JPH3: variants seen among roughly 807,000 people sequenced by gnomAD.
JPH3 encodes junctophilin 3, also known as junctophilin-3.
JPH3 carries 11 observed loss-of-function variants against 59.6 expected under a neutral mutation model. The observed-to-expected ratio is 0.18, with a 90% CI of 0.12 to 0.31. The LOEUF is 0.31. JPH3 is among the 10% of genes least tolerant of loss of function. The pLI is 1.00. For missense variants in JPH3, 1,202 were observed against 1,105.7 expected (o/e 1.09, Z -1.24); for synonymous variants, 673 against 483.6 (o/e 1.39, Z -5.14).
chr16:87,679,587 C>T (rs1377291274), intron 2 of JPH3, among the ~76,000 whole-genome samples: 2 of 151,526 alleles, frequency 1.3e-5, no homozygotes, highest in East Asian at 3.8e-4. Context: ...CCTGCCAATC[C>T]TTGCCTTGTC....
chr16:87,691,098 A>C (rs1040489286), intron 4 of JPH3, among the ~76,000 whole-genome samples: 2 of 136,710 alleles, frequency 1.5e-5, no homozygotes, highest in Middle Eastern at 3.4e-3. Flanking sequence ...CCCCCCCCCA[A>C]ATTCGTTCCT....
chr16:87,676,881 C>A (rs2033153692), intron 2 of JPH3, among the ~76,000 whole-genome samples: 1 of 151,624 alleles, frequency 6.6e-6, no homozygotes, highest in South Asian at 2.1e-4. Flanking sequence ...ACTAAAAATA[C>A]AAAAATTAGG....
chr16:87,689,694 A>T lies in JPH3; in HGVS notation c.1334A>T (p.Glu445Val). ...CGTCAGACCTCCTGTGACGACATCG[A>T]GGTGCTGTCCACCGGGACACCCCTG... is the stretch of plus-strand genomic sequence containing the variant. ...PKRQTSCDDI[E>V]VLSTGTPLQQ... is the part of the protein sequence containing the mutation. Residue 445 changes from glutamate (E) to valine (V), a missense_variant, in exon 4 of 5, where the codon GAG becomes GTG. By Grantham distance (121) the Glu-to-Val change is moderately radical (BLOSUM62 -2). Transcript: ENST00000284262. 6.2e-7 allele frequency: 1 copy of T among 1,612,414 alleles called. No individual in the cohort carries two copies. Among genetic ancestry groups the T allele is most frequent in the Non-Finnish European group, 8.5e-7 (1 of 1,179,756 alleles).
At chr16:87,667,681 T>G (rs1056940650) in intron 2 of JPH3, among the ~76,000 whole-genome samples, 42 of 152,316 alleles carry the variant, frequency 2.8e-4, no homozygotes, top group African/African-American at 9.9e-4. Context: ...ATGAAGGGGT[T>G]AGATCCTGGC....
intron 1 of JPH3, among the ~76,000 whole-genome samples, chr16:87,641,436 A>G (rs925805757): frequency 4.6e-5 from 7 of 152,206 alleles, no homozygotes; most frequent in Admixed American, 2.0e-4. Context: ...TTGGGGGTAC[A>G]GAATGACCGA....
chr16:87,656,930 G>A (rs1043125535), intron 2 of JPH3, among the ~76,000 whole-genome samples: 1 of 152,120 alleles, frequency 6.6e-6, no homozygotes, highest in Non-Finnish European at 1.5e-5. Flanking sequence ...GGCTTTCCTT[G>A]GTGCATGGAG....
chr16:87,695,718 C>G (rs1047766578), intron 4 of JPH3: 2 of 419,902 alleles, frequency 4.8e-6, no homozygotes, highest in Admixed American at 5.1e-5. Flanking sequence ...AGAGGGGCCA[C>G]GCTCCCTCTC....
chr16:87,645,122 G>T, intron 2 of JPH3, 87 bp downstream of exon 2: 1 of 1,385,744 alleles, frequency 7.2e-7, no homozygotes. Flanking sequence ...GTCGCTCAAG[G>T]CCTTGGGCTA....
intron 1 of JPH3, among the ~76,000 whole-genome samples, chr16:87,624,127 C>G (rs920202720): frequency 2.0e-5 from 3 of 152,206 alleles, no homozygotes; most frequent in East Asian, 1.9e-4. Context: ...AAAAAGGGCT[C>G]CAGTAAGTCT....
rs977357854 is a variant in JPH3 at position 87,611,422 on chromosome 16, G to A, written c.382+7894G>A. ...GCCTGAGGCTGCAGATTTGTTCGAG[G>A]CCATGTCTCCCTCAGCCTCAGCTTC... On this transcript the variant is annotated intron_variant, in intron 1 of 4. Transcript: ENST00000284262. The surrounding 1 kb of genome is among the most constrained non-coding windows in gnomAD (Gnocchi z 4.5). Among the ~76,000 whole-genome samples, 1 of 152,094 alleles carries A rather than the reference G, an allele frequency of 6.6e-6. No individual in the cohort carries two copies. The highest frequency in any genetic ancestry group is 1.5e-5 in the Non-Finnish European group (1 of 68,020).
chr16:87,696,805 A>T lies in JPH3; in HGVS notation c.*145A>T. On this transcript the variant is annotated 3_prime_UTR_variant, in exon 5 of 5. Coordinates refer to ENST00000284262, the MANE Select transcript of JPH3 (RefSeq NM_020655.4). ...TCACAGAAGAACCACACGATTGGGT[A>T]TCACTCACAGTTTGCCTTTTTTTCT... The T allele has an allele frequency of 1.5e-6, 1 of 681,248 alleles. No homozygotes were observed. Among genetic ancestry groups the T allele is most frequent in the African/African-American group, 1.8e-5 (1 of 55,676 alleles). The allele number at this position is 681,248 out of a possible 1,614,324, so 42.2% of individuals were successfully genotyped here. A position where few individuals can be genotyped will look rare whatever the true frequency, so the allele number is the denominator to read the frequency against.
At chr16:87,631,971 T>A (rs1215041391) in intron 1 of JPH3, among the ~76,000 whole-genome samples, 1 of 152,240 alleles carries the variant, frequency 6.6e-6, no homozygotes, top group African/African-American at 2.4e-5. Flanking sequence ...CTGCTGCATT[T>A]TCTGATTCCC....
Position 87,689,695 on chromosome 16 carries a change from G to C in JPH3, c.1335G>C (p.Glu445Asp). Residue 445 changes from glutamate to aspartate, a missense_variant, in exon 4 of 5, where the codon GAG becomes GAC. By Grantham distance (45) the Glu-to-Asp change is conservative. Coordinates refer to ENST00000284262, the MANE Select transcript of JPH3 (RefSeq NM_020655.4). Reference protein sequence around the residue: ...PKRQTSCDDIEVLSTGTPLQQ... With the variant: ...PKRQTSCDDIDVLSTGTPLQQ... The stretch of plus-strand genomic sequence containing the variant: ...GTCAGACCTCCTGTGACGACATCGA[G>C]GTGCTGTCCACCGGGACACCCCTGC... 6.2e-7 allele frequency: 1 copy of C among 1,612,476 alleles called. No individual in the cohort carries two copies. The highest frequency in any genetic ancestry group is 8.5e-7 in the Non-Finnish European group (1 of 1,179,780).
intron 1 of JPH3, among the ~76,000 whole-genome samples, chr16:87,639,050 G>C (rs956464982): frequency 1.3e-5 from 2 of 152,174 alleles, no homozygotes; most frequent in Admixed American, 1.3e-4. Flanking sequence ...CTTCCTGGCT[G>C]TGTGTTCCTA....
chr16:87,668,208 C>T (rs1240371209), intron 2 of JPH3, among the ~76,000 whole-genome samples: 3 of 152,350 alleles, frequency 2.0e-5, no homozygotes, highest in South Asian at 4.1e-4. Context: ...CTGGCCTCTT[C>T]ACCAGCCCTG....
chr16:87,633,615 A>G (rs2031636089), intron 1 of JPH3, among the ~76,000 whole-genome samples: 1 of 152,076 alleles, frequency 6.6e-6, no homozygotes, highest in African/African-American at 2.4e-5. Flanking sequence ...CCTGGCCAAC[A>G]TGGTGAAACC....
At chr16:87,648,347 G>T (rs2032220821) in intron 2 of JPH3, among the ~76,000 whole-genome samples, 1 of 152,210 alleles carries the variant, frequency 6.6e-6, no homozygotes, top group Non-Finnish European at 1.5e-5. Context: ...ACCCTCCACT[G>T]GAGCATGAGA....
chr16:87,695,854 T>C (rs1447860947), intron 4 of JPH3: 1 of 455,832 alleles, frequency 2.2e-6, no homozygotes, highest in South Asian at 1.5e-5. Context: ...ACAGGGAAGG[T>C]GGCAGCTTGG....
chr16:87,667,508 G>A (rs1311611626), intron 2 of JPH3, among the ~76,000 whole-genome samples: 3 of 152,168 alleles, frequency 2.0e-5, no homozygotes, highest in East Asian at 3.9e-4. Context: ...AGCTGAAGTC[G>A]GGAGCGTGAG....
Sources: allele counts gnomAD v4.1 joint callset (sites outside exome capture counted in the v4.1 genomes callset), GRCh38; gene constraint gnomAD v4.1.1; non-coding constraint Gnocchi (gnomAD v3.1); transcripts MANE v1.5; gene names NCBI Gene and HGNC (gene_info 2026-07-23, HGNC 2026-07-21).